LRRC49: variants seen among roughly 807,000 people sequenced by gnomAD.
LRRC49 encodes the protein leucine rich repeat containing 49.
In LRRC49, 50 loss-of-function variants were observed where a neutral mutation model predicts 83.3. That is an observed-to-expected ratio of 0.60 (90% CI 0.48 to 0.76). LRRC49 has a LOEUF of 0.76. Among genes scored for constraint, LRRC49 ranks in the 30% least tolerant of loss-of-function variants. The pLI, the probability that LRRC49 is intolerant of heterozygous loss-of-function variation, is 0.00. For synonymous variants in LRRC49, 286 were observed against 283.3 expected (o/e 1.01, Z -0.10); for missense variants, 704 against 809.1 (o/e 0.87, Z 1.58).
chr15:70,891,275 G>A (rs2033553863), upstream of LRRC49, among the ~76,000 whole-genome samples: 1 of 152,158 alleles, frequency 6.6e-6, no homozygotes, highest in Admixed American at 6.5e-5. Flanking sequence ...GGGAAAGTCA[G>A]CTCACTAGGG....
At chr15:70,878,179 C>A (rs759992233) in intron 2 of LRRC49, among the ~76,000 whole-genome samples, 1 of 152,066 alleles carries the variant, frequency 6.6e-6, no homozygotes, top group African/African-American at 2.4e-5. Context: ...TAAATAAATT[C>A]TTTGCATTTT....
intron 7 of LRRC49, among the ~76,000 whole-genome samples, chr15:70,926,141 T>A (rs2141141711): frequency 6.6e-6 from 1 of 152,364 alleles, no homozygotes; most frequent in South Asian, 2.1e-4. Flanking sequence ...TGTTGAAATA[T>A]CATACAATTT....
At position 71,018,465 on chromosome 15, in the gene LRRC49, T is replaced by C. The variant is rs1345715197; in HGVS notation, c.1703+5552T>C. On this transcript the variant is annotated intron_variant, in intron 14 of 15. Coordinates refer to ENST00000260382, the MANE Select transcript of LRRC49 (RefSeq NM_017691.5). ...AAAATGCTAGACAAAATAAAAACCTTCATTAAAGTTTTGGGGAGCTGGTAA... is the reference window on the plus strand; with the variant it reads ...AAAATGCTAGACAAAATAAAAACCTCCATTAAAGTTTTGGGGAGCTGGTAA... Among the ~76,000 whole-genome samples the C allele has an allele frequency of 4.6e-5, 7 of 152,186 alleles. No homozygotes were observed. The East Asian group carries it at 1.3e-3, about 29-fold the overall frequency.
intron 8 of LRRC49, among the ~76,000 whole-genome samples, chr15:70,947,836 A>G (rs1165581726): frequency 6.6e-6 from 1 of 152,162 alleles, no homozygotes; most frequent in Non-Finnish European, 1.5e-5. Flanking sequence ...GAATCGCCGC[A>G]GCCAGGGACA....
At chr15:70,860,453 C>T (rs998771113) in intron 1 of LRRC49, among the ~76,000 whole-genome samples, 5 of 152,204 alleles carry the variant, frequency 3.3e-5, no homozygotes, top group Admixed American at 6.5e-5. Flanking sequence ...CTCACTCTGT[C>T]GCCTAGGCTC....
At chr15:70,893,023 A>G in intron 1 of LRRC49, 81 bp downstream of exon 1, 5 of 1,485,144 alleles carry the variant, frequency 3.4e-6, no homozygotes, top group Non-Finnish European at 2.8e-6. Context: ...GATGGGCTGT[A>G]TTATTAGGAC....
chr15:70,922,573 C>CA (rs999242652), intron 7 of LRRC49, among the ~76,000 whole-genome samples: 1 of 151,090 alleles, frequency 6.6e-6, no homozygotes, highest in Non-Finnish European at 1.5e-5. Context: ...TTAATGGGTA[C>CA]AAAAAAATAG....
intron 2 of LRRC49, among the ~76,000 whole-genome samples, chr15:70,886,830 C>T (rs1391032412): frequency 6.6e-6 from 1 of 151,704 alleles, no homozygotes; most frequent in African/African-American, 2.4e-5. Flanking sequence ...TGCGCCACTG[C>T]ACTCCAGCCT....
chr15:71,004,447 C>T (rs1348326363), intron 11 of LRRC49, among the ~76,000 whole-genome samples: 7 of 151,968 alleles, frequency 4.6e-5, no homozygotes, highest in African/African-American at 1.2e-4. Flanking sequence ...GTCAGGAGTT[C>T]GAGACCAGCC....
intron 14 of LRRC49, among the ~76,000 whole-genome samples, chr15:71,035,047 TA>T (rs1377870862): frequency 6.6e-6 from 1 of 152,092 alleles, no homozygotes; most frequent in Admixed American, 6.5e-5. Flanking sequence ...GAACTTAAAA[TA>T]AATAGAAGAA....
rs575568999 is a variant in LRRC49, at chr15:71,024,191, T to C, written c.1703+11278T>C. On this transcript the variant is annotated intron_variant, in intron 14 of 15. Coordinates refer to ENST00000260382, the MANE Select transcript of LRRC49 (RefSeq NM_017691.5). The stretch of plus-strand genomic sequence containing the variant: ...AGTCTTTCTCCTGCTGGCTCTGAGG[T>C]ATCTGGGTAGTCCAGACAAGTGGGA... Among the ~76,000 whole-genome samples, 7 of 152,340 alleles carry C rather than the reference T, an allele frequency of 4.6e-5. No homozygotes were observed. The East Asian group carries it at 1.4e-3, about 29-fold the overall frequency.
intron 8 of LRRC49, among the ~76,000 whole-genome samples, chr15:70,955,630 T>A (rs1315399818): frequency 1.3e-5 from 2 of 152,174 alleles, no homozygotes. Flanking sequence ...TTTCATTAGG[T>A]TTAGCAAAAT....
intron 2 of LRRC49, among the ~76,000 whole-genome samples, chr15:70,883,527 T>C (rs2033322835): frequency 1.3e-5 from 2 of 152,280 alleles, no homozygotes; most frequent in South Asian, 4.1e-4. Flanking sequence ...TTATTTGATA[T>C]CTTAGCAGTC....
chr15:70,947,502 T>G (rs1455688713), intron 8 of LRRC49, among the ~76,000 whole-genome samples: 1 of 152,132 alleles, frequency 6.6e-6, no homozygotes, highest in Non-Finnish European at 1.5e-5. Context: ...AAAAAAACCT[T>G]GCAGCTTTTG....
At chr15:70,855,123 A>G (rs1479964639) in intron 1 of LRRC49, among the ~76,000 whole-genome samples, 1 of 152,094 alleles carries the variant, frequency 6.6e-6, no homozygotes, top group Non-Finnish European at 1.5e-5. Flanking sequence ...CACGAGGTCA[A>G]GAGATCGAGA....
chr15:71,003,706 T>C (rs1248030012), intron 11 of LRRC49, among the ~76,000 whole-genome samples: 2 of 152,196 alleles, frequency 1.3e-5, no homozygotes, highest in East Asian at 3.8e-4. Flanking sequence ...ACTCTGAAAA[T>C]ATATGTATTA....
Position 71,049,441 on chromosome 15 carries a change from A to T in LRRC49, c.1890A>T (p.Thr630=), listed in dbSNP as rs148687063. 2,050 of 1,608,948 alleles carry T rather than the reference A, an allele frequency of 1.3e-3. 3 individuals carry two copies. The highest frequency in any genetic ancestry group is 1.6e-3 in the Non-Finnish European group (1,871 of 1,177,370). The change falls in exon 16 of 16, where the codon ACA becomes ACT. Residue 630 remains threonine (T), a synonymous_variant. Coordinates refer to ENST00000260382, the MANE Select transcript of LRRC49 (RefSeq NM_017691.5). ...AGGAAAAGAAGAAATTCTGTAAAAC[A>T]TATATAGAAGACCTTGTGAAGGAAG... ...EIKEKKKFCK[T]YIEDLVKEAT...
chr15:70,875,274 TACTA>T (rs1366277671), intron 2 of LRRC49, among the ~76,000 whole-genome samples: 4 of 152,148 alleles, frequency 2.6e-5, no homozygotes, highest in African/African-American at 9.7e-5. Context: ...ACATCCAGTG[TACTA>T]ACTATTGACT....
Position 70,900,979 on chromosome 15 carries a change from C to G in LRRC49, c.251C>G (p.Ser84Cys), listed in dbSNP as rs150271201. The G allele has an allele frequency of 6.2e-7, 1 of 1,610,736 alleles. No homozygotes were observed. The highest frequency in any genetic ancestry group is 1.3e-5 in the African/African-American group (1 of 74,736). The change falls in exon 4 of 16, where the codon TCT (serine) becomes TGT (cysteine). Residue 84 changes from serine to cysteine, a missense_variant. Ser to Cys is a moderately radical substitution (Grantham distance 112). Coordinates refer to ENST00000260382, the MANE Select transcript of LRRC49 (RefSeq NM_017691.5). ...SLSSFPILQR[S>C]SEEKILYSDR... The stretch of plus-strand genomic sequence containing the variant: ...TCATCATTTCCTATTCTTCAACGTT[C>G]TTCTGAAGAGAAAATTCTTTACTCA...
Sources: gnomAD v4.1 joint callset for allele counts (sites outside exome capture counted in the v4.1 genomes callset) on GRCh38, gnomAD v4.1.1 for gene constraint, MANE v1.5 for transcripts, NCBI Gene and HGNC (gene_info 2026-07-23, HGNC 2026-07-21) for gene names.